Variants in ADAM28 observed in about 807,000 individuals in gnomAD.
The protein encoded by ADAM28 is ADAM metallopeptidase domain 28, also known as disintegrin and metalloproteinase domain-containing protein 28.
ADAM28 carries 105 observed loss-of-function variants against 101.2 expected under a neutral mutation model. That is an observed-to-expected ratio of 1.04 (90% CI 0.89 to 1.22). The LOEUF is 1.22. ADAM28 is among the 50% of genes most tolerant of loss of function. The probability of loss-of-function intolerance (pLI) is 0.00; values close to 1 mark genes in which losing one functional copy is unlikely to be tolerated. For synonymous variants in ADAM28, 322 were observed against 310.6 expected, an observed-to-expected ratio of 1.04 and a Z score of -0.39; for missense variants, 1,028 against 945.4, an observed-to-expected ratio of 1.09 and a Z score of -1.15.
chr8:24,332,659 G>A lies in ADAM28; in HGVS notation c.1282-1G>A, dbSNP rs769557701. On this transcript the variant is annotated splice_acceptor_variant, in intron 12 of 22. Transcript: ENST00000265769. LOFTEE classifies it high-confidence loss of function. The stretch of plus-strand genomic sequence containing the variant: ...TTACATTTGTTTCTCATATTTCTTA[G>A]GAATGTACCAATATTTGCTGTGATG... 2 of 1,481,008 alleles carry A rather than the reference G, an allele frequency of 1.4e-6. No individual in the cohort carries two copies. The highest frequency in any genetic ancestry group is 3.0e-5 in the South Asian group (2 of 66,360). The allele number at this position is 1,481,008 out of a possible 1,614,324, so 91.7% of individuals were successfully genotyped here.
chr8:24,331,418 T>A, intron 12 of ADAM28, 91 bp downstream of exon 12: 1 of 1,311,488 alleles, frequency 7.6e-7, no homozygotes, highest in Admixed American at 3.1e-5. Flanking sequence ...GCTATAACAT[T>A]ATAGGTTTTT....
intron 11 of ADAM28, 124 bp downstream of exon 11, chr8:24,330,239 T>C: frequency 8.4e-7 from 1 of 1,196,852 alleles, no homozygotes; most frequent in Non-Finnish European, 1.2e-6. Flanking sequence ...TGTGCATTTG[T>C]GCCAAGCCAC....
intron 19 of ADAM28, 39 bp from the exon 20 acceptor site, chr8:24,351,193 C>A: frequency 6.9e-7 from 1 of 1,447,264 alleles, no homozygotes; most frequent in Non-Finnish European, 9.3e-7. Context: ...GCTGAAGGAG[C>A]TGCTAAGTCA....
intron 14 of ADAM28, among the ~76,000 whole-genome samples, chr8:24,338,906 C>G (rs1365764952): frequency 3.3e-5 from 5 of 151,852 alleles, no homozygotes; most frequent in Non-Finnish European, 7.4e-5. Flanking sequence ...CAGTGGCTCA[C>G]CTATATTAAG....
intron 10 of ADAM28, among the ~76,000 whole-genome samples, chr8:24,328,593 C>T (rs911712091): frequency 3.3e-5 from 5 of 151,920 alleles, no homozygotes; most frequent in Admixed American, 2.6e-4. Context: ...AAAAACCATT[C>T]TAGGAATTCA....
chr8:24,354,732 A>C lies in ADAM28; in HGVS notation c.*328A>C. ...AACAAAACATAAAAACATCACACTAATCTTGGAGGAATAAGAAAAATTGTA... is the reference window on the plus strand; with the variant it reads ...AACAAAACATAAAAACATCACACTACTCTTGGAGGAATAAGAAAAATTGTA... On this transcript the variant is annotated 3_prime_UTR_variant, in exon 23 of 23. Coordinates refer to ENST00000265769, the MANE Select transcript of ADAM28 (RefSeq NM_014265.6). 5.2e-6 allele frequency: 1 copy of C among 190,768 alleles called. No individual in the cohort carries two copies. The allele number at this position is 190,768 out of a possible 1,614,324, so 11.8% of individuals were successfully genotyped here.
intron 1 of ADAM28, among the ~76,000 whole-genome samples, chr8:24,297,116 G>C (rs1351128623): frequency 6.6e-6 from 1 of 151,878 alleles, no homozygotes; most frequent in East Asian, 1.9e-4. Context: ...TCAAACTGAA[G>C]AGATTGAGAG....
intron 2 of ADAM28, among the ~76,000 whole-genome samples, chr8:24,305,219 A>T (rs535406232): frequency 6.6e-6 from 1 of 151,900 alleles, no homozygotes; most frequent in Non-Finnish European, 1.5e-5. Context: ...TGTTAAGCTG[A>T]CTTGCCATAT....
At position 24,310,199 on chromosome 8, in the gene ADAM28, T is replaced by C; in HGVS notation, c.264T>C (p.Tyr88=). ...CACCAGGCTACACGGAAACATATTA[T>C]AATTCCACTGGAAAGGAGATCACCA... ...LLAPGYTETY[Y]NSTGKEITTS... Residue 88 remains tyrosine (Y), a synonymous_variant, in exon 4 of 23, where the codon TAT becomes TAC. Coordinates refer to ENST00000265769, the MANE Select transcript of ADAM28 (RefSeq NM_014265.6). 5.6e-6 allele frequency: 9 copies of C among 1,613,508 alleles called. No homozygotes were observed. The highest frequency in any genetic ancestry group is 6.8e-6 in the Non-Finnish European group (8 of 1,179,634).
At chr8:24,339,073 C>T (rs974395225) in intron 14 of ADAM28, among the ~76,000 whole-genome samples, 7 of 151,956 alleles carry the variant, frequency 4.6e-5, no homozygotes, top group African/African-American at 1.7e-4. Flanking sequence ...GGGGTTAAGA[C>T]ACTTGCCCAT....
intron 2 of ADAM28, among the ~76,000 whole-genome samples, chr8:24,305,472 T>G (rs1053463815): frequency 7.1e-6 from 1 of 141,648 alleles, no homozygotes; most frequent in African/African-American, 2.8e-5. Flanking sequence ...TTTTTTTTTT[T>G]TTTTTAAAAT....
At chr8:24,330,189 G>A in intron 11 of ADAM28, 74 bp downstream of exon 11, 1 of 1,487,116 alleles carries the variant, frequency 6.7e-7, no homozygotes, top group South Asian at 1.4e-5. Context: ...ACTACTTTAG[G>A]TCATCTTCAA....
chr8:24,308,003 C>A (rs907777422), intron 2 of ADAM28, among the ~76,000 whole-genome samples: 5 of 152,260 alleles, frequency 3.3e-5, no homozygotes, highest in South Asian at 4.1e-4. Flanking sequence ...ATTGACATCC[C>A]CTAGACCTTA....
At chr8:24,324,260 AG>A (rs1429913747) in intron 9 of ADAM28, among the ~76,000 whole-genome samples, 1 of 151,962 alleles carries the variant, frequency 6.6e-6, no homozygotes, top group African/African-American at 2.4e-5. Context: ...TATAATGGAA[AG>A]AGAGTTTTTG....
chr8:24,350,040 G>A, intron 19 of ADAM28, 68 bp downstream of exon 19: 1 of 1,341,116 alleles, frequency 7.5e-7, no homozygotes, highest in South Asian at 1.4e-5. Flanking sequence ...TAAATTCAAT[G>A]TATAACCTAT....
intron 18 of ADAM28, among the ~76,000 whole-genome samples, chr8:24,347,504 G>C (rs115572667): frequency 6.6e-6 from 1 of 151,954 alleles, no homozygotes; most frequent in Non-Finnish European, 1.5e-5. Context: ...TTTCATATAC[G>C]TGTTCTGTAG....
Position 24,308,914 on chromosome 8 carries a change from G to T in ADAM28, c.151-980G>T, listed in dbSNP as rs143896765. ...GGGAGAGAAGGAAGGCTTGAGCTTA[G>T]GTGCACCACAGCAGAAGAAACAGAA... On this transcript the variant is annotated intron_variant, in intron 2 of 22. Transcript: ENST00000265769. 3.9e-3 allele frequency: 1,263 copies of T among 323,962 alleles called. 21 individuals are homozygous for T. The highest frequency in any genetic ancestry group is 0.026 in the African/African-American group (1,171 of 45,904). The allele number at this position is 323,962 out of a possible 1,614,324, so 20.1% of individuals were successfully genotyped here.
intron 2 of ADAM28, among the ~76,000 whole-genome samples, chr8:24,305,924 A>G (rs1809547266): frequency 6.6e-6 from 1 of 152,084 alleles, no homozygotes; most frequent in African/African-American, 2.4e-5. Context: ...CACAATAACC[A>G]TGTGGCTAAA....
In ADAM28 at chr8:24,326,779, A is replaced by T. The variant is rs561932075; in HGVS notation, c.972+144A>T. The T allele has an allele frequency of 5.8e-6, 4 of 685,402 alleles. No individual in the cohort carries two copies. The African/African-American group carries it at 7.3e-5, about 13-fold the overall frequency. 42.5% of individuals were successfully genotyped at this position (685,402 alleles called of 1,614,324 possible). A position where few individuals can be genotyped will look rare whatever the true frequency, so the allele number is the denominator to read the frequency against. On this transcript the variant is annotated intron_variant, in intron 10 of 22. Coordinates refer to ENST00000265769, the MANE Select transcript of ADAM28 (RefSeq NM_014265.6). ...CTGATTGAATTTCAAATGTTGAACTAATTTTGCATTCCAGTGTAAACTCAA... is the reference window on the plus strand; with the variant it reads ...CTGATTGAATTTCAAATGTTGAACTTATTTTGCATTCCAGTGTAAACTCAA...
Sources: allele counts gnomAD v4.1 joint callset (sites outside exome capture counted in the v4.1 genomes callset), GRCh38; gene constraint gnomAD v4.1.1; transcripts MANE v1.5; gene names NCBI Gene and HGNC (gene_info 2026-07-23, HGNC 2026-07-21).